Variants in ANGPT2 observed in about 807,000 individuals in gnomAD.
The protein encoded by ANGPT2 is angiopoietin 2, also known as angiopoietin-2.
A neutral mutation model predicts 62.9 loss-of-function variants in ANGPT2; 28 were observed. The ratio of observed to expected loss-of-function variants is 0.44; its 90% CI spans 0.33 to 0.61. The LOEUF (loss-of-function observed/expected upper bound fraction) is 0.61, where lower values mean the gene tolerates loss of function less well. Among genes scored for constraint, ANGPT2 ranks in the 20% least tolerant of loss-of-function variants. The pLI, the probability that ANGPT2 is intolerant of heterozygous loss-of-function variation, is 0.03. For missense variants in ANGPT2, 727 were observed against 594.9 expected, an observed-to-expected ratio of 1.22 and a Z score of -2.31; for synonymous variants, 284 against 207.8, an observed-to-expected ratio of 1.37 and a Z score of -3.15.
chr8:6,527,445 AC>A, intron 3 of ANGPT2, 109 bp downstream of exon 3: 1 of 1,371,038 alleles, frequency 7.3e-7, no homozygotes, highest in Non-Finnish European at 9.9e-7. Flanking sequence ...TCTGACCCTT[AC>A]ACTAGACATG....
Position 6,500,116 on chromosome 8 carries a change from C to A in ANGPT2, c.*2985G>T. The A allele has an allele frequency of 1.6e-6, 1 of 606,352 alleles. No homozygotes were observed. The highest frequency in any genetic ancestry group is 1.9e-5 in the South Asian group (1 of 52,808). The allele number at this position is 606,352 out of a possible 1,614,324, so 37.6% of individuals were successfully genotyped here. Reference sequence around the variant, plus strand: ...GAGAACAAATGTGAGAACGTGAGACCATTGTGCAAAAAGTAGTGAGGAATG... The same window carrying A: ...GAGAACAAATGTGAGAACGTGAGACAATTGTGCAAAAAGTAGTGAGGAATG... On this transcript the variant is annotated 3_prime_UTR_variant, in exon 9 of 9. Coordinates refer to ENST00000629816, the MANE Select transcript of ANGPT2 (RefSeq NM_001118887.2).
chr8:6,556,097 C>T (rs1336616827), intron 1 of ANGPT2, among the ~76,000 whole-genome samples: 1 of 152,096 alleles, frequency 6.6e-6, no homozygotes, highest in Non-Finnish European at 1.5e-5. Flanking sequence ...AGAATTGCTG[C>T]CAAGACTAAC....
At position 6,513,859 on chromosome 8, in the gene ANGPT2, G is replaced by C; in HGVS notation, c.1030-15C>G. On this transcript the variant is annotated splice_polypyrimidine_tract_variant and intron_variant, in intron 6 of 8. Transcript: ENST00000629816. Reference sequence around the variant, plus strand: ...TTACCAAATCCCTGTAATGCAAGTTGTTAAATTCAATTATTTCATGTAATT... The same window carrying C: ...TTACCAAATCCCTGTAATGCAAGTTCTTAAATTCAATTATTTCATGTAATT... 1 of 1,590,048 alleles carries C rather than the reference G, an allele frequency of 6.3e-7. No homozygotes were observed. Among genetic ancestry groups the C allele is most frequent in the South Asian group, 1.2e-5 (1 of 86,456 alleles).
At chr8:6,530,775 C>G (rs923053957) in intron 2 of ANGPT2, among the ~76,000 whole-genome samples, 3 of 152,104 alleles carry the variant, frequency 2.0e-5, no homozygotes, top group African/African-American at 7.2e-5. Context: ...TTTTGTTAAT[C>G]TATCATTTCA....
At chr8:6,516,800 T>A (rs1169801528) in intron 5 of ANGPT2, among the ~76,000 whole-genome samples, 1 of 152,206 alleles carries the variant, frequency 6.6e-6, no homozygotes, top group African/African-American at 2.4e-5. Context: ...AAATTACTGC[T>A]ATGAAGTTAC....
In ANGPT2 at chr8:6,503,106, A is replaced by G; in HGVS notation, c.1483T>C (p.Phe495Leu). The change falls in exon 9 of 9, where the codon TTC (phenylalanine) becomes CTC (leucine). Residue 495 changes from phenylalanine (F) to leucine (L), a missense_variant. Physicochemically the swap from Phe to Leu is conservative, Grantham distance 22. Transcript: ENST00000629816. Reference sequence around the variant, plus strand: ...CCTCAGGTGGACTGGGATGTTTAGAAATCTGCTGGTCGGATCATCATGGTT... The same window carrying G: ...CCTCAGGTGGACTGGGATGTTTAGAGATCTGCTGGTCGGATCATCATGGTT... The part of the protein sequence containing the change: ...ATTMMIRPAD[F>L] 2 of 1,614,154 alleles carry G rather than the reference A, an allele frequency of 1.2e-6. No individual in the cohort carries two copies. The highest frequency in any genetic ancestry group is 1.7e-6 in the Non-Finnish European group (2 of 1,180,014).
At chr8:6,549,072 G>T (rs1363691360) in intron 1 of ANGPT2, among the ~76,000 whole-genome samples, 2 of 152,200 alleles carry the variant, frequency 1.3e-5, no homozygotes, top group South Asian at 4.1e-4. Context: ...TCATTAGAAG[G>T]CAGGTTAGTC....
intron 1 of ANGPT2, among the ~76,000 whole-genome samples, chr8:6,536,150 G>C (rs1307411621): frequency 1.3e-5 from 2 of 152,134 alleles, no homozygotes; most frequent in African/African-American, 4.8e-5. Flanking sequence ...TATATGATGT[G>C]ACAGTCAGGT....
intron 3 of ANGPT2, among the ~76,000 whole-genome samples, chr8:6,522,696 C>A (rs1247126463): frequency 6.6e-6 from 1 of 151,626 alleles, no homozygotes; most frequent in African/African-American, 2.4e-5. Context: ...ACTGCTTGAA[C>A]CCGGGAGGTG....
At chr8:6,546,673 A>G (rs1043862051) in intron 1 of ANGPT2, among the ~76,000 whole-genome samples, 4 of 152,212 alleles carry the variant, frequency 2.6e-5, no homozygotes, top group African/African-American at 9.7e-5. Context: ...AAATAGAGAA[A>G]AAATAGTGAA....
intron 7 of ANGPT2, among the ~76,000 whole-genome samples, chr8:6,511,332 A>G (rs1586244129): frequency 6.6e-6 from 1 of 151,740 alleles, no homozygotes; most frequent in African/African-American, 2.4e-5. Context: ...GGATGATTTT[A>G]TATAACAGTG....
chr8:6,526,483 T>G (rs184709329), intron 3 of ANGPT2, among the ~76,000 whole-genome samples: 9 of 152,112 alleles, frequency 5.9e-5, no homozygotes, highest in Admixed American at 5.9e-4. Context: ...TTGTTATATC[T>G]CAATGATTGG....
chr8:6,553,472 C>A (rs1335162687), intron 1 of ANGPT2, among the ~76,000 whole-genome samples: 1 of 152,050 alleles, frequency 6.6e-6, no homozygotes, highest in South Asian at 2.1e-4. Context: ...GTAATTGCGT[C>A]GGCTTCACAC....
Position 6,500,026 on chromosome 8 carries a change from G to C in ANGPT2, c.*3075C>G, listed in dbSNP as rs1811843401. 2.1e-6 allele frequency: 2 copies of C among 948,724 alleles called. No individual in the cohort carries two copies. The highest frequency in any genetic ancestry group is 3.2e-5 in the African/African-American group (2 of 62,286). 58.8% of individuals were successfully genotyped at this position (948,724 alleles called of 1,614,324 possible). ...TGGACTTAAGTTTTTATCCAGTCAA[G>C]CACAATTATGCCCATAATTAAAAAG... On this transcript the variant is annotated 3_prime_UTR_variant, in exon 9 of 9. Coordinates refer to ENST00000629816, the MANE Select transcript of ANGPT2 (RefSeq NM_001118887.2).
chr8:6,517,660 A>C (rs577153099), intron 5 of ANGPT2, among the ~76,000 whole-genome samples: 25 of 152,212 alleles, frequency 1.6e-4, no homozygotes, highest in Non-Finnish European at 3.1e-4. Context: ...TACTGTCCCA[A>C]GTTCTACCCC....
At chr8:6,510,029 A>C (rs950002890) in intron 7 of ANGPT2, among the ~76,000 whole-genome samples, 1 of 152,208 alleles carries the variant, frequency 6.6e-6, no homozygotes, top group Non-Finnish European at 1.5e-5. Context: ...ACACCATCGT[A>C]AAGTCGAAAA....
intron 7 of ANGPT2, among the ~76,000 whole-genome samples, chr8:6,510,556 G>T (rs1211213887): frequency 6.6e-6 from 1 of 152,200 alleles, no homozygotes; most frequent in Non-Finnish European, 1.5e-5. Context: ...ATGCACACTG[G>T]ATGCTTATAA....
At position 6,552,891 on chromosome 8, in the gene ANGPT2, A is replaced by T. The variant is rs920209859; in HGVS notation, c.288+9756T>A. 4.6e-5 allele frequency among the ~76,000 whole-genome samples: 7 copies of T among 152,080 alleles called. No individual in the cohort carries two copies. In the South Asian group the frequency reaches 1.2e-3, roughly 27 times the overall value. On this transcript the variant is annotated intron_variant, in intron 1 of 8. Coordinates refer to ENST00000629816, the MANE Select transcript of ANGPT2 (RefSeq NM_001118887.2). ...CTGTATATTTTATGATTCCAACTGT[A>T]TGACATTCTGGAAAAGGGAAAACTG...
At chr8:6,505,287 T>TATATAACA (rs554257480) in intron 8 of ANGPT2, among the ~76,000 whole-genome samples, 6,061 of 89,370 alleles carry the variant, frequency 0.068, 906 homozygotes, top group African/African-American at 0.12. Context: ...CATATATATG[T>TATATAACA]TATATACATA....
Sources: allele counts gnomAD v4.1 joint callset (sites outside exome capture counted in the v4.1 genomes callset), GRCh38; gene constraint gnomAD v4.1.1; transcripts MANE v1.5; gene names NCBI Gene and HGNC (gene_info 2026-07-23, HGNC 2026-07-21).